The following BABAM2 variants were observed in gnomAD, a reference collection of about 807,000 sequenced individuals.
BABAM2 encodes the protein BRISC and BRCA1-A complex member 2.
BABAM2 carries 31 observed loss-of-function variants against 54.7 expected under a neutral mutation model. The ratio of observed to expected loss-of-function variants is 0.57; its 90% CI spans 0.43 to 0.77. The LOEUF is 0.77. Ranked by LOEUF, BABAM2 falls within the 30% of genes least tolerant of loss-of-function variation. BABAM2 has a pLI of 0.00. For missense variants in BABAM2, 364 were observed against 455.8 expected (o/e 0.80, Z 1.83); for synonymous variants, 167 against 162.9 (o/e 1.03, Z -0.19).
rs764142329 is a variant in BABAM2, at chr2:27,890,853, T to C, written c.-25+11T>C. On this transcript the variant is annotated intron_variant, in intron 1 of 11. Coordinates refer to ENST00000379624, the MANE Select transcript of BABAM2 (RefSeq NM_199191.3). The surrounding 1 kb of genome is among the most constrained non-coding windows in gnomAD (Gnocchi z 4.8). Reference sequence around the variant, plus strand: ...CGGACTAAGTTCCAGGTACCTGGACTGGGGCTGGTGCGGGGAGGTTGGATC... The same window carrying C: ...CGGACTAAGTTCCAGGTACCTGGACCGGGGCTGGTGCGGGGAGGTTGGATC... The C allele has an allele frequency of 6.6e-6, 1 of 152,522 alleles. No homozygotes were observed. The highest frequency in any genetic ancestry group is 1.5e-5 in the Non-Finnish European group (1 of 68,056). 9.4% of individuals were successfully genotyped at this position (152,522 alleles called of 1,614,324 possible).
At chr2:28,201,020 C>T (rs1461218993) in intron 7 of BABAM2, among the ~76,000 whole-genome samples, 1 of 152,206 alleles carries the variant, frequency 6.6e-6, no homozygotes, top group Admixed American at 6.5e-5. Context: ...ATCCTCCCAC[C>T]TCGGCCTCCC....
Position 28,215,670 on chromosome 2 carries a change from C to G in BABAM2, c.681-21532C>G, listed in dbSNP as rs189938776. The stretch of plus-strand genomic sequence containing the variant: ...CTCCTTCCCTTTGTCATTTATTTTT[C>G]TCTTTCTCTCTCCTACCCATTTCCC... On this transcript the variant is annotated intron_variant, in intron 7 of 11. Transcript: ENST00000379624. Among the ~76,000 whole-genome samples, 3 of 148,174 alleles carry G rather than the reference C, an allele frequency of 2.0e-5. No individual in the cohort carries two copies. In the East Asian group the frequency reaches 5.9e-4, roughly 29 times the overall value.
intron 10 of BABAM2, among the ~76,000 whole-genome samples, chr2:28,291,783 T>G (rs938808771): frequency 6.6e-6 from 1 of 152,214 alleles, no homozygotes; most frequent in African/African-American, 2.4e-5. Flanking sequence ...AAATGTTACT[T>G]TTATATTTCT....
chr2:27,988,514 A>G (rs919468939), intron 4 of BABAM2, among the ~76,000 whole-genome samples: 6 of 152,102 alleles, frequency 3.9e-5, no homozygotes, highest in Non-Finnish European at 2.9e-5. Flanking sequence ...GCAAATTTGG[A>G]CTTGTATCCG....
At chr2:28,119,239 A>G (rs1668858566) in intron 6 of BABAM2, among the ~76,000 whole-genome samples, 1 of 152,198 alleles carries the variant, frequency 6.6e-6, no homozygotes. Flanking sequence ...AAGCTTATCA[A>G]ATGTATTAAG....
In BABAM2 at chr2:28,045,705, T is replaced by C; in HGVS notation, c.496-20T>C. 1 of 1,595,776 alleles carries C rather than the reference T, an allele frequency of 6.3e-7. No homozygotes were observed. The highest frequency in any genetic ancestry group is 1.1e-5 in the South Asian group (1 of 89,036). On this transcript the variant is annotated intron_variant, in intron 5 of 11. Transcript: ENST00000379624. The stretch of plus-strand genomic sequence containing the variant: ...TCTATTTTTGATTTTAATCTTATTA[T>C]TATAACTTTCTTTTTACAGACTGGT...
chr2:27,964,859 A>T (rs935206797), intron 3 of BABAM2, among the ~76,000 whole-genome samples: 1 of 152,210 alleles, frequency 6.6e-6, no homozygotes, highest in Non-Finnish European at 1.5e-5. Context: ...AATAAAACCA[A>T]TGCTACCAAG....
At chr2:28,081,556 C>T (rs1665175109) in intron 6 of BABAM2, among the ~76,000 whole-genome samples, 1 of 152,174 alleles carries the variant, frequency 6.6e-6, no homozygotes, top group Admixed American at 6.5e-5. Context: ...TTTGAAAACA[C>T]TAAAAGTGGT....
intron 10 of BABAM2, among the ~76,000 whole-genome samples, chr2:28,285,907 C>T (rs1686753904): frequency 6.6e-6 from 1 of 151,652 alleles, no homozygotes; most frequent in Non-Finnish European, 1.5e-5. Flanking sequence ...GGAATTGGTT[C>T]CTATACTGAG....
intron 4 of BABAM2, among the ~76,000 whole-genome samples, chr2:27,988,557 A>G (rs543372052): frequency 2.0e-5 from 3 of 152,326 alleles, no homozygotes; most frequent in African/African-American, 7.2e-5. Flanking sequence ...TGTTATCAGA[A>G]GGGTAAAGAC....
intron 8 of BABAM2, among the ~76,000 whole-genome samples, chr2:28,239,840 C>T (rs530914997): frequency 3.3e-5 from 5 of 152,264 alleles, no homozygotes; most frequent in East Asian, 1.9e-4. Context: ...CTAGGTTTTC[C>T]GCTGCTTCAG....
At chr2:28,163,770 G>T (rs930572796) in intron 7 of BABAM2, among the ~76,000 whole-genome samples, 1 of 152,200 alleles carries the variant, frequency 6.6e-6, no homozygotes, top group Admixed American at 6.5e-5. Flanking sequence ...TGGGTCAGAG[G>T]CCTCAGAATT....
chr2:27,968,545 C>T lies in BABAM2; in HGVS notation c.206-19448C>T, dbSNP rs150908411. ...ACACAGAGTTCCTACTGGGGCACCG[C>T]CTAGTGGAGCTGTGAGAAGAGGGCT... On this transcript the variant is annotated intron_variant, in intron 3 of 11. Transcript: ENST00000379624. Among the ~76,000 whole-genome samples, 10 of 152,308 alleles carry T rather than the reference C, an allele frequency of 6.6e-5. No individual in the cohort carries two copies. The East Asian group carries it at 1.9e-3, about 29-fold the overall frequency.
chr2:28,268,605 T>A (rs993291456), intron 10 of BABAM2, among the ~76,000 whole-genome samples: 1 of 152,254 alleles, frequency 6.6e-6, no homozygotes, highest in African/African-American at 2.4e-5. Context: ...GTTCTAAGAA[T>A]GTGACAAGGA....
intron 10 of BABAM2, among the ~76,000 whole-genome samples, chr2:28,257,856 G>A (rs988003919): frequency 1.3e-5 from 2 of 152,098 alleles, no homozygotes; most frequent in Non-Finnish European, 2.9e-5. Context: ...CTGCACTCCA[G>A]CCTGGGTTAC....
chr2:28,019,847 G>C (rs1158660621), intron 4 of BABAM2, among the ~76,000 whole-genome samples: 1 of 152,170 alleles, frequency 6.6e-6, no homozygotes, highest in Non-Finnish European at 1.5e-5. Context: ...TGTTCCATTA[G>C]CCTATGTGCC....
intron 8 of BABAM2, among the ~76,000 whole-genome samples, chr2:28,240,729 G>A (rs1682333363): frequency 6.6e-6 from 1 of 151,836 alleles, no homozygotes; most frequent in Non-Finnish European, 1.5e-5. Context: ...AATTAGCAGG[G>A]CATAGTGGCG....
At chr2:28,191,953 A>G (rs1250184095) in intron 7 of BABAM2, among the ~76,000 whole-genome samples, 3 of 152,224 alleles carry the variant, frequency 2.0e-5, no homozygotes, top group African/African-American at 7.2e-5. Context: ...GCCATTTTTC[A>G]TTTGCATGAT....
intron 5 of BABAM2, among the ~76,000 whole-genome samples, chr2:28,040,278 A>G (rs1406506520): frequency 6.7e-6 from 1 of 149,024 alleles, no homozygotes; most frequent in African/African-American, 2.5e-5. Context: ...TCAGTGCCAG[A>G]ATGAAAAACT....
Sources: gnomAD v4.1 joint callset for allele counts (sites outside exome capture counted in the v4.1 genomes callset) on GRCh38, gnomAD v4.1.1 for gene constraint, Gnocchi (gnomAD v3.1) non-coding constraint, MANE v1.5 for transcripts, NCBI Gene and HGNC (gene_info 2026-07-23, HGNC 2026-07-21) for gene names.